The following KLF17 variants were observed in gnomAD, a reference collection of about 807,000 sequenced individuals.
The protein encoded by KLF17 is KLF transcription factor 17.
A neutral mutation model predicts 34.2 loss-of-function variants in KLF17; 31 were observed. That is an observed-to-expected ratio of 0.91 (90% CI 0.68 to 1.22). The LOEUF (loss-of-function observed/expected upper bound fraction) is 1.22. Among genes scored for constraint, KLF17 ranks in the 50% most tolerant of loss-of-function variants. The pLI is 0.00. For synonymous variants in KLF17, 179 were observed against 186.7 expected (o/e 0.96, Z 0.34); for missense variants, 478 against 505.2 (o/e 0.95, Z 0.52).
At chr1:44,093,867 T>C in the KLF17 span, among the ~76,000 whole-genome samples, 2 of 152,234 alleles carry the variant, frequency 1.3e-5, no homozygotes, top group East Asian at 1.9e-4. Context: ...ATATTTTTCA[T>C]TGGAAGTTAT....
chr1:44,081,629 C>T, the KLF17 span, among the ~76,000 whole-genome samples: 1 of 151,980 alleles, frequency 6.6e-6, no homozygotes, highest in South Asian at 2.1e-4. Context: ...CCATGTTGGC[C>T]AGGCTGGTCT....
intron 1 of KLF17, among the ~76,000 whole-genome samples, chr1:44,128,298 G>A (rs1409540537): frequency 2.0e-5 from 3 of 151,934 alleles, no homozygotes; most frequent in South Asian, 2.1e-4. Context: ...CACCTGCCTC[G>A]GCCTCCCAAA....
chr1:44,130,889 A>G (rs2088101383), intron 3 of KLF17, 133 bp downstream of exon 3: 3 of 822,598 alleles, frequency 3.6e-6, no homozygotes, highest in Admixed American at 2.7e-5. Flanking sequence ...TCCACCTCCC[A>G]GGTTCAAGTG....
chr1:44,099,853 GA>G, the KLF17 span, among the ~76,000 whole-genome samples: 3 of 39,946 alleles, frequency 7.5e-5, no homozygotes, highest in East Asian at 7.4e-4. Flanking sequence ...AAGAAAGAAA[GA>G]AAGAAAGAAA....
the KLF17 span, among the ~76,000 whole-genome samples, chr1:44,097,914 T>C: frequency 6.6e-6 from 1 of 152,332 alleles, no homozygotes; most frequent in Middle Eastern, 3.4e-3. Flanking sequence ...TGGTGTATCA[T>C]ATTTGTTGCT....
At chr1:44,103,702 C>T in the KLF17 span, 969 of 1,582,502 alleles carry the variant, frequency 6.1e-4, 6 homozygotes, top group African/African-American at 0.011. Flanking sequence ...GGCTGGAGGG[C>T]GGCCTCCAGC....
At chr1:44,048,750 T>G in the KLF17 span, among the ~76,000 whole-genome samples, 1 of 152,252 alleles carries the variant, frequency 6.6e-6, no homozygotes. Context: ...ATTTGCTTAA[T>G]TTTTGAACAC....
At chr1:44,091,461 A>G in the KLF17 span, among the ~76,000 whole-genome samples, 1 of 151,854 alleles carries the variant, frequency 6.6e-6, no homozygotes, top group Non-Finnish European at 1.5e-5. Context: ...TTTGAGACCA[A>G]CTTGGCCAAC....
the KLF17 span, among the ~76,000 whole-genome samples, chr1:44,082,459 G>A: frequency 6.6e-6 from 1 of 152,180 alleles, no homozygotes; most frequent in African/African-American, 2.4e-5. Flanking sequence ...CATTCGGAGG[G>A]TTTTATTGGT....
rs986728186 is a variant in KLF17 at position 44,119,095 on chromosome 1, G to A, written c.81+107G>A. 9 of 748,294 alleles carry A rather than the reference G, an allele frequency of 1.2e-5. No individual in the cohort carries two copies. The African/African-American group carries it at 1.5e-4, about 12-fold the overall frequency. The allele number at this position is 748,294 out of a possible 1,614,324, so 46.4% of individuals were successfully genotyped here. A position where few individuals can be genotyped will look rare whatever the true frequency, so the allele number is the denominator to read the frequency against. ...GAGGCGGAGGGAAGCAGAAACCCGA[G>A]GGGTAGAAATCCGAGGGGAGGGGTG... is the stretch of plus-strand genomic sequence containing the variant. On this transcript the variant is annotated intron_variant, in intron 1 of 3. Coordinates refer to ENST00000372299, the MANE Select transcript of KLF17 (RefSeq NM_173484.4).
At chr1:44,058,819 A>G in the KLF17 span, among the ~76,000 whole-genome samples, 1 of 151,442 alleles carries the variant, frequency 6.6e-6, no homozygotes, top group Non-Finnish European at 1.5e-5. Flanking sequence ...ATGAAGAGAC[A>G]CGTAGAATGC....
At chr1:44,073,096 G>A in the KLF17 span, among the ~76,000 whole-genome samples, 2 of 152,176 alleles carry the variant, frequency 1.3e-5, no homozygotes, top group East Asian at 3.8e-4. Context: ...ACAGGAATTG[G>A]AGTAGTTGGG....
chr1:44,117,662 A>C (rs1557727768), upstream of KLF17, among the ~76,000 whole-genome samples: 1 of 151,278 alleles, frequency 6.6e-6, no homozygotes, highest in Non-Finnish European at 1.5e-5. Context: ...CGCCTGGCTA[A>C]TTTTTTATTT....
At chr1:44,069,513 A>AG in the KLF17 span, among the ~76,000 whole-genome samples, 44 of 106,448 alleles carry the variant, frequency 4.1e-4, no homozygotes, top group African/African-American at 1.7e-3. The surrounding 1 kb of genome is among the most constrained non-coding windows in gnomAD (Gnocchi z 4.7). Context: ...AGAGAGAGAG[A>AG]AGACAGGAGG....
At chr1:44,055,269 G>A in the KLF17 span, among the ~76,000 whole-genome samples, 1 of 152,094 alleles carries the variant, frequency 6.6e-6, no homozygotes, top group African/African-American at 2.4e-5. Flanking sequence ...GACACGGCAG[G>A]CAAAAATACT....
the KLF17 span, among the ~76,000 whole-genome samples, chr1:44,086,161 T>C: frequency 1.3e-5 from 2 of 152,104 alleles, no homozygotes; most frequent in Admixed American, 1.3e-4. Context: ...GTTGAGGGAT[T>C]GTGCTTTAAA....
the KLF17 span, among the ~76,000 whole-genome samples, chr1:44,047,285 G>T: frequency 3.9e-5 from 6 of 152,292 alleles, no homozygotes; most frequent in South Asian, 1.0e-3. Context: ...ATAGCATTGA[G>T]CCACCCATTC....
At chr1:44,126,744 T>A (rs1447784834) in intron 1 of KLF17, among the ~76,000 whole-genome samples, 1 of 152,154 alleles carries the variant, frequency 6.6e-6, no homozygotes, top group Non-Finnish European at 1.5e-5. Flanking sequence ...TAGCAAGGAA[T>A]AGAATTAGAG....
intron 2 of KLF17, 96 bp from the exon 3 acceptor site, chr1:44,130,416 C>A (rs1335460500): frequency 3.3e-6 from 5 of 1,528,248 alleles, no homozygotes; most frequent in Non-Finnish European, 4.5e-6. Flanking sequence ...TGGACCTTCC[C>A]TTTTGAATCC....
Sources: allele counts gnomAD v4.1 joint callset (sites outside exome capture counted in the v4.1 genomes callset), GRCh38; gene constraint gnomAD v4.1.1; non-coding constraint Gnocchi (gnomAD v3.1); transcripts MANE v1.5; gene names NCBI Gene and HGNC (gene_info 2026-07-23, HGNC 2026-07-21).